The following MICU3 variants were observed in gnomAD, a reference collection of about 807,000 sequenced individuals.
MICU3 encodes the protein calcium uptake protein 3, mitochondrial.
Under a neutral mutation model 66.5 loss-of-function variants are expected in MICU3, and 62 were observed. That is an observed-to-expected ratio of 0.93 (90% CI 0.76 to 1.15). MICU3 has a LOEUF of 1.15. Among genes scored for constraint, MICU3 ranks in the 50% most tolerant of loss-of-function variants. The probability of loss-of-function intolerance (pLI) is 0.00; values close to 1 mark genes in which losing one functional copy is unlikely to be tolerated. For synonymous variants in MICU3, 308 were observed against 240.7 expected (o/e 1.28, Z -2.59); for missense variants, 779 against 664.4 (o/e 1.17, Z -1.90).
At chr8:17,095,365 T>TACCTAG (rs924802705) in intron 8 of MICU3, among the ~76,000 whole-genome samples, 3 of 151,962 alleles carry the variant, frequency 2.0e-5, no homozygotes, top group African/African-American at 7.2e-5. Context: ...TTTTTTCCTA[T>TACCTAG]GATATACCTA....
At chr8:17,065,564 T>C (rs1207165874) in intron 2 of MICU3, among the ~76,000 whole-genome samples, 1 of 152,014 alleles carries the variant, frequency 6.6e-6, no homozygotes, top group Non-Finnish European at 1.5e-5. Context: ...GACATAGGAG[T>C]GGCCAGAGAC....
chr8:17,102,252 C>G (rs569684274), intron 9 of MICU3, among the ~76,000 whole-genome samples: 1 of 151,818 alleles, frequency 6.6e-6, no homozygotes, highest in Admixed American at 6.6e-5. Flanking sequence ...ATGCTCCACT[C>G]GAGCATGGAG....
At chr8:17,105,808 AG>A (rs755452363) in intron 11 of MICU3, among the ~76,000 whole-genome samples, 1 of 152,056 alleles carries the variant, frequency 6.6e-6, no homozygotes, top group Non-Finnish European at 1.5e-5. Flanking sequence ...AAACTCCTTT[AG>A]GCTACTACCA....
chr8:17,117,720 T>G (rs111883544), intron 13 of MICU3, among the ~76,000 whole-genome samples: 1 of 151,900 alleles, frequency 6.6e-6, no homozygotes, highest in Non-Finnish European at 1.5e-5. Flanking sequence ...GAGATTCCCT[T>G]GCCTCAGCCT....
chr8:17,032,067 C>T (rs553549900), intron 1 of MICU3, among the ~76,000 whole-genome samples: 1 of 152,276 alleles, frequency 6.6e-6, no homozygotes, highest in East Asian at 1.9e-4. Flanking sequence ...TAAGCTCATG[C>T]TAAATATTTG....
intron 1 of MICU3, among the ~76,000 whole-genome samples, chr8:17,043,335 T>C (rs1814525107): frequency 6.6e-6 from 1 of 152,176 alleles, no homozygotes; most frequent in Non-Finnish European, 1.5e-5. Context: ...AAGTTAGTTA[T>C]TTTAAAATAA....
chr8:17,136,677 A>G, the MICU3 span, among the ~76,000 whole-genome samples: 2 of 151,780 alleles, frequency 1.3e-5, no homozygotes, highest in Non-Finnish European at 2.9e-5. Context: ...TCATCCCCCA[A>G]CAGCGGCCTG....
intron 2 of MICU3, among the ~76,000 whole-genome samples, chr8:17,065,214 T>A (rs1045823765): frequency 2.0e-5 from 3 of 152,136 alleles, no homozygotes; most frequent in Admixed American, 2.0e-4. Context: ...TAACTTAGAC[T>A]AGAACAATTA....
intron 8 of MICU3, 136 bp downstream of exon 8, chr8:17,090,720 C>T: frequency 3.6e-6 from 2 of 559,576 alleles, no homozygotes; most frequent in Non-Finnish European, 6.0e-6. Context: ...ACAATAGGTG[C>T]AATGAAGCCA....
At chr8:17,055,142 A>T (rs1466368072) in intron 1 of MICU3, among the ~76,000 whole-genome samples, 4 of 152,168 alleles carry the variant, frequency 2.6e-5, no homozygotes, top group Admixed American at 1.3e-4. Flanking sequence ...AACTGCAAAT[A>T]ACACTAAATA....
intron 12 of MICU3, among the ~76,000 whole-genome samples, chr8:17,115,315 A>G (rs1244747534): frequency 6.6e-6 from 1 of 152,198 alleles, no homozygotes; most frequent in African/African-American, 2.4e-5. Flanking sequence ...TGTAGTCTAG[A>G]TGTTCAAATA....
Position 17,120,291 on chromosome 8 carries a change from C to T in MICU3, c.*4C>T, listed in dbSNP as rs566559444. ...TGTTATTATTTTTTTTAATTAGATA[C>T]TCCTAAAACAAAGTTTAAAGGATTA... On this transcript the variant is annotated 3_prime_UTR_variant, in exon 15 of 15. Transcript: ENST00000318063. 1.3e-5 allele frequency: 2 copies of T among 151,798 alleles called. No homozygotes were observed. Among genetic ancestry groups the T allele is most frequent in the East Asian group, 3.9e-4 (2 of 5,172 alleles). The allele number at this position is 151,798 out of a possible 1,614,324, so 9.4% of individuals were successfully genotyped here.
intron 1 of MICU3, among the ~76,000 whole-genome samples, chr8:17,030,696 A>G (rs1585138719): frequency 6.6e-6 from 1 of 152,210 alleles, no homozygotes; most frequent in East Asian, 1.9e-4. Context: ...GTGAGTATCT[A>G]ATGATATACT....
chr8:17,035,362 AGTTTGGAG>A (rs1812789373), intron 1 of MICU3, among the ~76,000 whole-genome samples: 2 of 152,220 alleles, frequency 1.3e-5, no homozygotes, highest in African/African-American at 4.8e-5. Context: ...AGGTTGGAAC[AGTTTGGAG>A]GGCTTAGAAG....
At position 17,105,481 on chromosome 8, in the gene MICU3, C is replaced by A. The variant is rs1801663429; in HGVS notation, c.1154C>A (p.Thr385Asn). ...EFLSYSNGMNTISEEDFAHIL... is the reference protein window; with the variant it reads ...EFLSYSNGMNNISEEDFAHIL... ...CTTTCCTACTCAAATGGAATGAATACCATCAGTGAAGAAGATTTTGCTCAT... is the reference window on the plus strand; with the variant it reads ...CTTTCCTACTCAAATGGAATGAATAACATCAGTGAAGAAGATTTTGCTCAT... The change falls in exon 11 of 15, where the codon ACC becomes AAC. Residue 385 changes from threonine to asparagine, a missense_variant. By Grantham distance (65) the Thr-to-Asn change is moderately conservative. Transcript: ENST00000318063. 1.3e-6 allele frequency: 2 copies of A among 1,572,546 alleles called. No individual in the cohort carries two copies. Among genetic ancestry groups the A allele is most frequent in the Non-Finnish European group, 1.7e-6 (2 of 1,153,970 alleles).
At chr8:17,074,737 A>G (rs376571111) in intron 3 of MICU3, among the ~76,000 whole-genome samples, 6 of 152,014 alleles carry the variant, frequency 3.9e-5, no homozygotes, top group African/African-American at 1.4e-4. Context: ...TAATTTTTCT[A>G]TAATATATAT....
chr8:17,066,763 G>A (rs1225289945), intron 2 of MICU3, among the ~76,000 whole-genome samples: 2 of 151,466 alleles, frequency 1.3e-5, no homozygotes, highest in African/African-American at 4.9e-5. Context: ...CCCAGGCTTG[G>A]CTTGAACTCC....
At chr8:17,028,971 A>T (rs1309578073) in intron 1 of MICU3, among the ~76,000 whole-genome samples, 1 of 152,168 alleles carries the variant, frequency 6.6e-6, no homozygotes, top group Admixed American at 6.5e-5. Context: ...GAGAGATGTT[A>T]TCTTGCAGTT....
intron 1 of MICU3, among the ~76,000 whole-genome samples, chr8:17,033,178 A>G (rs1413140896): frequency 6.6e-6 from 1 of 152,240 alleles, no homozygotes; most frequent in Non-Finnish European, 1.5e-5. Context: ...GCTAGAAATG[A>G]TTAAGCTTAA....
Sources: allele counts gnomAD v4.1 joint callset (sites outside exome capture counted in the v4.1 genomes callset), GRCh38; gene constraint gnomAD v4.1.1; transcripts MANE v1.5; gene names NCBI Gene and HGNC (gene_info 2026-07-23, HGNC 2026-07-21).